Variants in USP6NL observed in about 807,000 individuals in gnomAD.
The protein encoded by USP6NL is USP6 N-terminal like.
Under a neutral mutation model 61.9 loss-of-function variants are expected in USP6NL, and 26 were observed. The observed-to-expected ratio is 0.42, with a 90% CI of 0.31 to 0.58. USP6NL has a LOEUF of 0.58. USP6NL is among the 20% of genes least tolerant of loss of function. The pLI is 0.16. For missense variants in USP6NL, 1,114 were observed against 1,034.3 expected (o/e 1.08, Z -1.06); for synonymous variants, 432 against 390.1 (o/e 1.11, Z -1.27).
Position 11,462,828 on chromosome 10 carries a change from G to T in USP6NL, c.2100C>A (p.Val700=), listed in dbSNP as rs1367789566. Residue 700 remains valine, a synonymous_variant, in exon 15 of 15, where the codon GTC becomes GTA. Transcript: ENST00000609104. ...PLVLPSSRIE[V]LPVDTGAGGY... is the part of the protein sequence containing the mutation. The stretch of plus-strand genomic sequence containing the variant: ...CCCCAGCACCAGTGTCAACAGGGAG[G>T]ACTTCTATTCGACTAGACGGCAGTA... 6.2e-7 allele frequency: 1 copy of T among 1,613,860 alleles called. No homozygotes were observed. The highest frequency in any genetic ancestry group is 1.3e-5 in the African/African-American group (1 of 74,912).
intron 1 of USP6NL, among the ~76,000 whole-genome samples, chr10:11,605,366 T>C (rs1838671520): frequency 6.6e-6 from 1 of 152,178 alleles, no homozygotes; most frequent in Non-Finnish European, 1.5e-5. Context: ...AATTATTGCA[T>C]AGACTCTCAA....
chr10:11,574,067 T>G lies in USP6NL; in HGVS notation c.4+23564A>C, dbSNP rs145118672. Among the ~76,000 whole-genome samples the G allele has an allele frequency of 6.7e-4, 102 of 152,334 alleles. 1 individual carries two copies. The East Asian group carries it at 0.019, about 28-fold the overall frequency. Reference sequence around the variant, plus strand: ...CCATGACAGAAAAAATAAAGTGCTCTGCTATAAATTTTCACAGTGCATCAC... The same window carrying G: ...CCATGACAGAAAAAATAAAGTGCTCGGCTATAAATTTTCACAGTGCATCAC... On this transcript the variant is annotated intron_variant, in intron 2 of 14. Coordinates refer to ENST00000609104, the MANE Select transcript of USP6NL (RefSeq NM_014688.5). The surrounding 1 kb of genome is among the most constrained non-coding windows in gnomAD (Gnocchi z 4.3).
At chr10:11,483,580 A>AAGAGAGGG (rs1248378246) in intron 13 of USP6NL, among the ~76,000 whole-genome samples, 1 of 32,116 alleles carries the variant, frequency 3.1e-5, no homozygotes, top group African/African-American at 1.4e-4. Flanking sequence ...GGGAGAGAGG[A>AAGAGAGGG]AGAGAGGGAG....
intron 6 of USP6NL, among the ~76,000 whole-genome samples, chr10:11,506,194 CT>C (rs1834424389): frequency 6.6e-6 from 1 of 152,140 alleles, no homozygotes; most frequent in Non-Finnish European, 1.5e-5. Flanking sequence ...TTAATATGGT[CT>C]GAAAGGTCCA....
At chr10:11,546,852 T>C (rs935506034) in intron 2 of USP6NL, among the ~76,000 whole-genome samples, 1 of 152,240 alleles carries the variant, frequency 6.6e-6, no homozygotes, top group African/African-American at 2.4e-5. Flanking sequence ...AAAAATCTTT[T>C]GGAAAATGTG....
chr10:11,518,036 T>A lies in USP6NL; in HGVS notation c.195+499A>T, dbSNP rs1835031853. ...GTTGACAAGTTTACTATGTAACACT[T>A]CTCTAAGTACTTAAAATACTAAAAT... On this transcript the variant is annotated intron_variant, in intron 5 of 14. Coordinates refer to ENST00000609104, the MANE Select transcript of USP6NL (RefSeq NM_014688.5). This position sits in a 1 kb window ranked among gnomAD's most constrained non-coding sequence, Gnocchi z 5.3. Among the ~76,000 whole-genome samples the A allele has an allele frequency of 6.6e-6, 1 of 152,188 alleles. No homozygotes were observed. The highest frequency in any genetic ancestry group is 1.5e-5 in the Non-Finnish European group (1 of 68,038).
At chr10:11,497,276 T>C (rs1211432485) in intron 7 of USP6NL, among the ~76,000 whole-genome samples, 1 of 150,644 alleles carries the variant, frequency 6.6e-6, no homozygotes, top group African/African-American at 2.4e-5. Context: ...CCGGGCATGG[T>C]GGCGGGCACC....
chr10:11,523,343 T>C (rs1835284525), intron 4 of USP6NL, among the ~76,000 whole-genome samples: 1 of 152,234 alleles, frequency 6.6e-6, no homozygotes, highest in Non-Finnish European at 1.5e-5. Flanking sequence ...CTATCACAAG[T>C]GTGGAAAAAT....
At chr10:11,541,868 A>G (rs543570361) in intron 2 of USP6NL, among the ~76,000 whole-genome samples, 2 of 152,368 alleles carry the variant, frequency 1.3e-5, no homozygotes, top group African/African-American at 4.8e-5. Context: ...TGACACTGAC[A>G]CTATAAGTTA....
At chr10:11,606,586 GAA>G (rs2133692801) in intron 1 of USP6NL, among the ~76,000 whole-genome samples, 1 of 152,114 alleles carries the variant, frequency 6.6e-6, no homozygotes, top group South Asian at 2.1e-4. Context: ...GCATTATCTA[GAA>G]AAAGGGTGAA....
Position 11,506,419 on chromosome 10 carries a change from A to T in USP6NL, c.276+3176T>A, listed in dbSNP as rs185276563. Among the ~76,000 whole-genome samples, 557 of 152,330 alleles carry T rather than the reference A, an allele frequency of 3.7e-3. 3 individuals carry two copies. The highest frequency in any genetic ancestry group is 0.013 in the African/African-American group (534 of 41,562). ...TGCTTTTGGAGGCTGAGGCAGGAGA[A>T]TCATTTGACACCAGGAATTCGAGAC... On this transcript the variant is annotated intron_variant, in intron 6 of 14. Coordinates refer to ENST00000609104, the MANE Select transcript of USP6NL (RefSeq NM_014688.5).
chr10:11,541,273 A>ATATATG (rs1555169599), intron 2 of USP6NL, among the ~76,000 whole-genome samples: 11 of 113,542 alleles, frequency 9.7e-5, no homozygotes, highest in Admixed American at 3.6e-4. Context: ...ATATATATAT[A>ATATATG]TATGTATGTC....
intron 7 of USP6NL, among the ~76,000 whole-genome samples, chr10:11,493,961 T>C (rs1293156021): frequency 6.6e-6 from 1 of 152,270 alleles, no homozygotes; most frequent in Non-Finnish European, 1.5e-5. Flanking sequence ...GGGGTGGTTT[T>C]CTCCCATGCT....
Position 11,463,248 on chromosome 10 carries a change from G to C in USP6NL, c.1680C>G (p.Asp560Glu). The C allele has an allele frequency of 6.2e-7, 1 of 1,613,644 alleles. No homozygotes were observed. The highest frequency in any genetic ancestry group is 8.5e-7 in the Non-Finnish European group (1 of 1,179,896). ...GCGCCTCCTCCACGGAAGCGCCGCT[G>C]TCCAGCTCCGGGCCTGGCACGTTGT... ...QYDNVPGPELDSGASVEEALE... is the reference protein window; with the variant it reads ...QYDNVPGPELESGASVEEALE... Residue 560 changes from aspartate (D) to glutamate (E), a missense_variant, in exon 15 of 15, where the codon GAC becomes GAG. Coordinates refer to ENST00000609104, the MANE Select transcript of USP6NL (RefSeq NM_014688.5). The surrounding 1 kb of genome is among the most constrained non-coding windows in gnomAD (Gnocchi z 6.3).
At chr10:11,586,525 C>T (rs1837971395) in intron 2 of USP6NL, among the ~76,000 whole-genome samples, 1 of 151,650 alleles carries the variant, frequency 6.6e-6, no homozygotes, top group Non-Finnish European at 1.5e-5. Flanking sequence ...GTTAGAAATC[C>T]AAACATAAAA....
At chr10:11,578,215 CG>C (rs1328789991) in intron 2 of USP6NL, among the ~76,000 whole-genome samples, 1 of 152,104 alleles carries the variant, frequency 6.6e-6, no homozygotes, top group Non-Finnish European at 1.5e-5. Context: ...GCAATCCGCC[CG>C]CCTCAGCCTC....
In USP6NL at chr10:11,587,791, C is replaced by G. The variant is rs1426566050; in HGVS notation, c.4+9840G>C. Among the ~76,000 whole-genome samples the G allele has an allele frequency of 1.3e-5, 2 of 152,186 alleles. No homozygotes were observed. The highest frequency in any genetic ancestry group is 3.8e-4 in the East Asian group (2 of 5,200). On this transcript the variant is annotated intron_variant, in intron 2 of 14. Coordinates refer to ENST00000609104, the MANE Select transcript of USP6NL (RefSeq NM_014688.5). This position sits in a 1 kb window ranked among gnomAD's most constrained non-coding sequence, Gnocchi z 4.5. ...TCTCTCGATAAAAGCCAAAAGCCGT[C>G]TCATTTCAACGCCATCTCATATTCT...
At chr10:11,573,338 A>G in intron 2 of USP6NL, 1 of 282,258 alleles carries the variant, frequency 3.5e-6, no homozygotes, top group Non-Finnish European at 6.5e-6. Context: ...TTAAAACATG[A>G]AAAGTACTAT....
intron 2 of USP6NL, among the ~76,000 whole-genome samples, chr10:11,590,544 TA>T (rs1838130004): frequency 6.6e-6 from 1 of 152,120 alleles, no homozygotes; most frequent in Admixed American, 6.6e-5. Context: ...TTTTCACAAA[TA>T]AAAAATACTA....
Sources: gnomAD v4.1 joint callset for allele counts (sites outside exome capture counted in the v4.1 genomes callset) on GRCh38, gnomAD v4.1.1 for gene constraint, Gnocchi (gnomAD v3.1) non-coding constraint, MANE v1.5 for transcripts, NCBI Gene and HGNC (gene_info 2026-07-23, HGNC 2026-07-21) for gene names.